The following ROBO2 variants were observed in gnomAD, a reference collection of about 807,000 sequenced individuals.
ROBO2 encodes the protein roundabout homolog 2.
ROBO2 carries 53 observed loss-of-function variants against 160.8 expected under a neutral mutation model. The observed-to-expected ratio is 0.33, with a 90% CI of 0.26 to 0.41. The LOEUF (loss-of-function observed/expected upper bound fraction) is 0.41. Among genes scored for constraint, ROBO2 ranks in the 10% least tolerant of loss-of-function variants. ROBO2 has a pLI of 1.00. For missense variants in ROBO2, 1,577 were observed against 1,722.4 expected (o/e 0.92, Z 1.49); for synonymous variants, 664 against 611.7 (o/e 1.09, Z -1.26).
intron 21 of ROBO2, among the ~76,000 whole-genome samples, chr3:77,613,279 T>C (rs1052020980): frequency 3.3e-5 from 5 of 152,190 alleles, no homozygotes; most frequent in African/African-American, 1.2e-4. Flanking sequence ...AGTAAGGATA[T>C]CTTACTACCT....
chr3:76,680,359 A>T (rs900965652), intron 2 of ROBO2, among the ~76,000 whole-genome samples: 5 of 27,242 alleles, frequency 1.8e-4, no homozygotes, highest in Non-Finnish European at 2.8e-4. Flanking sequence ...TGGATATATT[A>T]AAAAAAAAAA....
At chr3:77,509,105 G>T (rs2089012205) in intron 5 of ROBO2, among the ~76,000 whole-genome samples, 1 of 152,106 alleles carries the variant, frequency 6.6e-6, no homozygotes, top group African/African-American at 2.4e-5. Context: ...ATCAATTTTA[G>T]AAAAGTGACA....
intron 2 of ROBO2, among the ~76,000 whole-genome samples, chr3:77,169,829 G>C (rs1270441217): frequency 6.6e-6 from 1 of 152,064 alleles, no homozygotes; most frequent in African/African-American, 2.4e-5. Flanking sequence ...GATTACAATA[G>C]AAACAGACAC....
chr3:77,638,133 T>C (rs1178661173), intron 24 of ROBO2, among the ~76,000 whole-genome samples: 2 of 152,224 alleles, frequency 1.3e-5, no homozygotes, highest in East Asian at 3.9e-4. Flanking sequence ...CTTAAGAACA[T>C]TGTTATTTTG....
At chr3:77,340,345 C>G (rs1055961197) in intron 2 of ROBO2, among the ~76,000 whole-genome samples, 1 of 151,996 alleles carries the variant, frequency 6.6e-6, no homozygotes, top group African/African-American at 2.4e-5. Flanking sequence ...TATTTTGTTT[C>G]TTTTTCTTTC....
At chr3:76,752,370 A>G (rs2060720342) in intron 2 of ROBO2, among the ~76,000 whole-genome samples, 1 of 151,836 alleles carries the variant, frequency 6.6e-6, no homozygotes, top group African/African-American at 2.4e-5. Context: ...GCACACCAAC[A>G]TGGCACATGT....
At chr3:76,589,396 G>T (rs76922992) in intron 2 of ROBO2, among the ~76,000 whole-genome samples, 1,779 of 152,144 alleles carry the variant, frequency 0.012, 38 homozygotes, top group African/African-American at 0.041. Flanking sequence ...GCCTCCCGAG[G>T]TTCCCGCCAT....
intron 2 of ROBO2, among the ~76,000 whole-genome samples, chr3:76,671,043 A>G (rs959207371): frequency 9.9e-5 from 15 of 152,034 alleles, no homozygotes; most frequent in African/African-American, 3.4e-4. Flanking sequence ...TGGAGAAATT[A>G]GCAACAAATA....
At chr3:76,273,115 A>G (rs1332642784) in intron 2 of ROBO2, among the ~76,000 whole-genome samples, 1 of 8,534 alleles carries the variant, frequency 1.2e-4, no homozygotes, top group African/African-American at 1.5e-4. Context: ...ACACACACAC[A>G]TATAAATATA....
intron 2 of ROBO2, among the ~76,000 whole-genome samples, chr3:76,334,560 C>CT (rs1367100095): frequency 5.3e-5 from 8 of 151,962 alleles, no homozygotes; most frequent in African/African-American, 1.9e-4. Flanking sequence ...CTTGGCTTTT[C>CT]TTTTTTTAAG....
chr3:76,967,015 C>T (rs559293813), intron 2 of ROBO2, among the ~76,000 whole-genome samples: 1 of 152,266 alleles, frequency 6.6e-6, no homozygotes, highest in East Asian at 1.9e-4. Context: ...TATTAAGCAT[C>T]TATCGCAGGC....
rs543149628 is a variant in ROBO2 at position 76,699,234 on chromosome 3, GT to G, written c.110-398777del. Among the ~76,000 whole-genome samples the G allele has an allele frequency of 1.4e-4, 21 of 152,228 alleles. No individual in the cohort carries two copies. The East Asian group carries it at 3.9e-3, about 28-fold the overall frequency. On this transcript the variant is annotated intron_variant, in intron 2 of 26. Transcript: ENST00000487694. ...AAGCAGCAGCCATGGTGCTTCTTTT[GT>G]TTGGCTCCTAATCAGATCTGCTGTT...
At chr3:77,291,311 G>A (rs576897936) in intron 2 of ROBO2, among the ~76,000 whole-genome samples, 77 of 152,058 alleles carry the variant, frequency 5.1e-4, no homozygotes, top group African/African-American at 1.7e-3. Context: ...ACGGTTAACC[G>A]GGAAGGCTGA....
intron 2 of ROBO2, among the ~76,000 whole-genome samples, chr3:77,396,026 A>G (rs1050702800): frequency 6.6e-6 from 1 of 151,794 alleles, no homozygotes; most frequent in African/African-American, 2.4e-5. Flanking sequence ...CAATAAAATT[A>G]TATATTTTCA....
intron 2 of ROBO2, among the ~76,000 whole-genome samples, chr3:76,548,701 G>A (rs544117928): frequency 6.6e-6 from 1 of 151,918 alleles, no homozygotes; most frequent in South Asian, 2.1e-4. Flanking sequence ...GAGTAAATGG[G>A]AGAAGTAACA....
At chr3:77,509,203 C>A (rs571308028) in intron 5 of ROBO2, among the ~76,000 whole-genome samples, 1 of 151,858 alleles carries the variant, frequency 6.6e-6, no homozygotes, top group Admixed American at 6.6e-5. Context: ...ATGAAGGTTG[C>A]AAGGGAGAAA....
chr3:76,933,934 G>A (rs1158645375), intron 2 of ROBO2, among the ~76,000 whole-genome samples: 1 of 152,042 alleles, frequency 6.6e-6, no homozygotes, highest in Non-Finnish European at 1.5e-5. Context: ...TAGAAATATT[G>A]CTTATATAAA....
At chr3:76,741,796 A>T (rs530074629) in intron 2 of ROBO2, among the ~76,000 whole-genome samples, 179 of 152,072 alleles carry the variant, frequency 1.2e-3, no homozygotes, top group Non-Finnish European at 2.0e-3. Context: ...CAAATTTGCA[A>T]TTTAGGAATT....
intron 2 of ROBO2, among the ~76,000 whole-genome samples, chr3:77,243,003 CTA>C (rs1176130352): frequency 1.3e-5 from 2 of 150,124 alleles, no homozygotes. Flanking sequence ...GTTTCTGTGT[CTA>C]TGAGAGAGAG....
Sources: gnomAD v4.1 joint callset for allele counts (sites outside exome capture counted in the v4.1 genomes callset) on GRCh38, gnomAD v4.1.1 for gene constraint, MANE v1.5 for transcripts, NCBI Gene and HGNC (gene_info 2026-07-23, HGNC 2026-07-21) for gene names.